CCDC14: variants seen among roughly 807,000 people sequenced by gnomAD.
CCDC14 encodes coiled-coil domain-containing protein 14.
Under a neutral mutation model 81.4 loss-of-function variants are expected in CCDC14, and 71 were observed. That is an observed-to-expected ratio of 0.87 (90% CI 0.72 to 1.06). The LOEUF (loss-of-function observed/expected upper bound fraction) is 1.06, where lower values mean the gene tolerates loss of function less well. Ranked by LOEUF, CCDC14 falls within the 50% of genes least tolerant of loss-of-function variation. CCDC14 has a pLI of 0.00. For synonymous variants in CCDC14, 332 were observed against 364.8 expected (o/e 0.91, Z 1.03); for missense variants, 1,046 against 1,047.3 (o/e 1.00, Z 0.02).
At chr3:123,930,947 G>A (rs57897158) in intron 12 of CCDC14, 155 bp downstream of exon 12, 34,524 of 634,300 alleles carry the variant, frequency 0.054, 4,639 homozygotes, top group East Asian at 0.44. Context: ...TAATTTAATT[G>A]GAACAGAAGA....
rs267599578 is a variant in CCDC14 at position 123,915,146 on chromosome 3, G to A, written c.2351C>T (p.Ser784Phe). ...ATCTTCTGCTTCCTTTGTTGAAGAG[G>A]AACAGATTACAGGTGTACACAGTTT... The part of the protein sequence containing the change: ...ENKLCTPVIC[S>F]SSTKEAEDAP... The change falls in exon 13 of 13, where the codon TCC (serine) becomes TTC (phenylalanine). Residue 784 changes from serine to phenylalanine, a missense_variant. Transcript: ENST00000409697. The A allele has an allele frequency of 6.2e-7, 1 of 1,613,846 alleles. No homozygotes were observed.
chr3:123,910,557 G>C (rs1366812356), downstream of CCDC14, among the ~76,000 whole-genome samples: 1 of 151,756 alleles, frequency 6.6e-6, no homozygotes, highest in East Asian at 1.9e-4. Flanking sequence ...AGATTACTCT[G>C]CATTAGTGTC....
intron 5 of CCDC14, among the ~76,000 whole-genome samples, chr3:123,901,865 A>C (rs1290629046): frequency 6.6e-6 from 1 of 152,186 alleles, no homozygotes; most frequent in African/African-American, 2.4e-5. Flanking sequence ...GGATACAAAC[A>C]ACTTACTAAT....
chr3:123,956,276 C>T, intron 3 of CCDC14, 79 bp downstream of exon 3: 1 of 1,264,062 alleles, frequency 7.9e-7, no homozygotes, highest in Admixed American at 2.5e-5. Context: ...GCAATTAATA[C>T]TTTGCATTTT....
chr3:123,956,424 G>C lies in CCDC14; in HGVS notation c.90C>G (p.Thr30=). 2 of 1,540,110 alleles carry C rather than the reference G, an allele frequency of 1.3e-6. No homozygotes were observed. Among genetic ancestry groups the C allele is most frequent in the East Asian group, 2.5e-5 (1 of 40,676 alleles). Residue 30 remains threonine (T), a synonymous_variant, in exon 3 of 13, where the codon ACC becomes ACG. Transcript: ENST00000409697. Reference sequence around the variant, plus strand: ...TAAAACGTGGTATTTTTCTTAAATAGGTCCTGGAAAACAAGCTTATTAATA... The same window carrying C: ...TAAAACGTGGTATTTTTCTTAAATACGTCCTGGAAAACAAGCTTATTAATA... The part of the protein sequence containing the change: ...PAKLTNGKKA[T]YLRKIPRFNA...
chr3:123,925,512 C>T (rs988296428), intron 12 of CCDC14, among the ~76,000 whole-genome samples: 2 of 152,064 alleles, frequency 1.3e-5, no homozygotes, highest in South Asian at 4.2e-4. Flanking sequence ...CTCAGCTCAT[C>T]GCAACCTCTG....
rs2034604344 is a variant in CCDC14 at position 123,915,338 on chromosome 3, A to G, written c.2159T>C (p.Ile720Thr). Residue 720 changes from isoleucine (I) to threonine (T), a missense_variant, in exon 13 of 13, where the codon ATA becomes ACA. Ile to Thr is a moderately conservative substitution (Grantham distance 89, BLOSUM62 -1). Coordinates refer to ENST00000409697, the MANE Select transcript of CCDC14 (RefSeq NM_001366335.1). ...ATTATCCAAATTATGCTCATCTTCTATTAAAGCCATAGTTTCACTCCCTTC... is the reference window on the plus strand; with the variant it reads ...ATTATCCAAATTATGCTCATCTTCTGTTAAAGCCATAGTTTCACTCCCTTC... Reference protein sequence around the residue: ...SDEGSETMALIEDEHNLDNTI... With the variant: ...SDEGSETMALTEDEHNLDNTI... The G allele has an allele frequency of 1.2e-6, 2 of 1,613,840 alleles. No homozygotes were observed. The highest frequency in any genetic ancestry group is 1.1e-5 in the South Asian group (1 of 91,042).
intron 9 of CCDC14, among the ~76,000 whole-genome samples, chr3:123,942,976 G>T (rs142416856): frequency 0.013 from 1,949 of 152,022 alleles, 44 homozygotes; most frequent in African/African-American, 0.045. Flanking sequence ...GGGGCTACAC[G>T]AGTGCTTACT....
intron 9 of CCDC14, among the ~76,000 whole-genome samples, chr3:123,941,430 G>GA (rs138595566): frequency 0.025 from 3,693 of 147,604 alleles, 136 homozygotes; most frequent in African/African-American, 0.081. Context: ...ATCTAAACAG[G>GA]AAAAAAAAAA....
rs1396821707 is a variant in CCDC14 at position 123,913,730 on chromosome 3, A to C, written c.*1049T>G. 4.0e-5 allele frequency: 39 copies of C among 984,760 alleles called. No individual in the cohort carries two copies. The highest frequency in any genetic ancestry group is 4.6e-5 in the Non-Finnish European group (38 of 829,838). 61.0% of individuals were successfully genotyped at this position (984,760 alleles called of 1,614,324 possible). A position where few individuals can be genotyped will look rare whatever the true frequency, so the allele number is the denominator to read the frequency against. ...AACACGAGGAGGTTCTGGGATTAGG[A>C]GAACACTCTTTAATGATAAAGCCTG... On this transcript the variant is annotated 3_prime_UTR_variant, in exon 13 of 13. Coordinates refer to ENST00000409697, the MANE Select transcript of CCDC14 (RefSeq NM_001366335.1).
intron 7 of CCDC14, among the ~76,000 whole-genome samples, chr3:123,948,239 C>CTTTTT (rs5852375): frequency 1.4e-5 from 2 of 138,448 alleles, no homozygotes; most frequent in Non-Finnish European, 3.1e-5. Context: ...TCTTTCTTTT[C>CTTTTT]TTTTTTTTTT....
chr3:123,949,985 C>A (rs1348260349), intron 5 of CCDC14, among the ~76,000 whole-genome samples: 1 of 152,170 alleles, frequency 6.6e-6, no homozygotes, highest in African/African-American at 2.4e-5. Flanking sequence ...TTTTCTCTTA[C>A]AGAACCTAGT....
At chr3:123,940,474 G>C (rs1337690964) in intron 9 of CCDC14, among the ~76,000 whole-genome samples, 1 of 151,736 alleles carries the variant, frequency 6.6e-6, no homozygotes, top group Non-Finnish European at 1.5e-5. Context: ...TATTTATTCT[G>C]GACCTACCTT....
At chr3:123,930,345 G>C (rs1231736478) in intron 12 of CCDC14, among the ~76,000 whole-genome samples, 1 of 152,138 alleles carries the variant, frequency 6.6e-6, no homozygotes, top group Non-Finnish European at 1.5e-5. Flanking sequence ...TTATATTCAA[G>C]ATTATTTTAT....
At chr3:123,936,452 C>T (rs946008925) in intron 9 of CCDC14, among the ~76,000 whole-genome samples, 1 of 151,706 alleles carries the variant, frequency 6.6e-6, no homozygotes, top group Non-Finnish European at 1.5e-5. Context: ...ATTTTATTTT[C>T]TGCCATATGA....
In CCDC14 at chr3:123,907,518, G is replaced by A. The variant is rs114670558; in HGVS notation, c.668-9905C>T. ...AGCCCAGGAGTTCAAAACCAGCCTG[G>A]GAAAGATGGTGAAACCCTGTCTCCA... On this transcript the variant is annotated intron_variant, in intron 5 of 5. Coordinates refer to the CCDC14 transcript ENST00000479903. Among the ~76,000 whole-genome samples the A allele has an allele frequency of 2.2e-3, 339 of 151,240 alleles. 1 individual carries two copies. The highest frequency in any genetic ancestry group is 7.9e-3 in the African/African-American group (323 of 41,008).
At chr3:123,907,197 T>G (rs2034331459) in intron 5 of CCDC14, among the ~76,000 whole-genome samples, 1 of 152,220 alleles carries the variant, frequency 6.6e-6, no homozygotes, top group Admixed American at 6.5e-5. Flanking sequence ...TGATGACTCT[T>G]TTTTTGAAGC....
In CCDC14 at chr3:123,933,673, A is replaced by G. The variant is rs1284654627; in HGVS notation, c.1426T>C (p.Leu476=). 2 of 1,564,628 alleles carry G rather than the reference A, an allele frequency of 1.3e-6. No individual in the cohort carries two copies. The highest frequency in any genetic ancestry group is 1.2e-5 in the South Asian group (1 of 85,032). ...PSGAVDCNLE[L]FSLQSLNMSL... The stretch of plus-strand genomic sequence containing the variant: ...CAATCCTTAAAGTTCTTTTACCTAC[A>G]TTCAAGGTTGCAATCCACAGCACCA... The change falls in exon 10 of 13, where the codon TTG becomes CTG. Residue 476 remains leucine (L), a splice_region_variant and synonymous_variant. Coordinates refer to ENST00000409697, the MANE Select transcript of CCDC14 (RefSeq NM_001366335.1).
chr3:123,949,294 T>C (rs755248104), intron 5 of CCDC14, 162 bp from the exon 6 acceptor site: 2 of 579,674 alleles, frequency 3.5e-6, no homozygotes, highest in African/African-American at 3.7e-5. Flanking sequence ...TCATCTCAAA[T>C]TCTTTCTGAA....
Sources: allele counts gnomAD v4.1 joint callset (sites outside exome capture counted in the v4.1 genomes callset), GRCh38; gene constraint gnomAD v4.1.1; transcripts MANE v1.5; gene names NCBI Gene and HGNC (gene_info 2026-07-23, HGNC 2026-07-21).